STAG1: variants seen among roughly 807,000 people sequenced by gnomAD.
The protein encoded by STAG1 is STAG1 cohesin complex component.
STAG1 carries 26 observed loss-of-function variants against 170.9 expected under a neutral mutation model. That is an observed-to-expected ratio of 0.15 (90% CI 0.11 to 0.21). The LOEUF is 0.21. Among genes scored for constraint, STAG1 ranks in the 10% least tolerant of loss-of-function variants. The pLI, the probability that STAG1 is intolerant of heterozygous loss-of-function variation, is 1.00. For missense variants in STAG1, 964 were observed against 1,509.5 expected (o/e 0.64, Z 5.99); for synonymous variants, 514 against 497.7 (o/e 1.03, Z -0.44).
intron 6 of STAG1, among the ~76,000 whole-genome samples, chr3:136,525,558 A>C (rs1266997623): frequency 2.6e-5 from 4 of 152,014 alleles, no homozygotes; most frequent in Non-Finnish European, 4.4e-5. Context: ...TCCTAGATTC[A>C]TTAATTTTTT....
chr3:136,491,924 G>C (rs145324696), intron 9 of STAG1, among the ~76,000 whole-genome samples: 2 of 152,068 alleles, frequency 1.3e-5, no homozygotes, highest in East Asian at 3.9e-4. Context: ...CCCAGGAGGC[G>C]GGGGCTGGAA....
At chr3:136,477,555 G>A (rs2089784052) in intron 9 of STAG1, 143 bp from the exon 10 acceptor site, 1 of 628,352 alleles carries the variant, frequency 1.6e-6, no homozygotes, top group Non-Finnish European at 2.5e-6. Context: ...AGTATCTTCT[G>A]TTTTTCATGT....
intron 28 of STAG1, among the ~76,000 whole-genome samples, chr3:136,356,404 G>A (rs935920994): frequency 2.6e-5 from 4 of 151,982 alleles, no homozygotes; most frequent in African/African-American, 9.7e-5. Context: ...GATTGACACA[G>A]GCTCCCCAGG....
At chr3:136,398,347 A>C (rs2087227297) in intron 22 of STAG1, among the ~76,000 whole-genome samples, 1 of 152,082 alleles carries the variant, frequency 6.6e-6, no homozygotes, top group Non-Finnish European at 1.5e-5. Flanking sequence ...TGAACTCCTG[A>C]CCTCAAGTGA....
chr3:136,551,242 AGAGAGAGAGAGAGAGAGAGG>A (rs1936380170), intron 5 of STAG1, among the ~76,000 whole-genome samples: 1 of 145,576 alleles, frequency 6.9e-6, no homozygotes, highest in Non-Finnish European at 1.5e-5. Context: ...AGAGAGAGAG[AGAGAGAGAGAGAGAGAGAGG>A]GAGAGCGAGA....
intron 13 of STAG1, among the ~76,000 whole-genome samples, chr3:136,456,356 A>G (rs562392828): frequency 6.6e-6 from 1 of 152,328 alleles, no homozygotes; most frequent in East Asian, 1.9e-4. Context: ...GAAATAAAGA[A>G]TATAACTGAA....
chr3:136,363,939 T>C (rs2108287647), intron 25 of STAG1, among the ~76,000 whole-genome samples: 1 of 152,196 alleles, frequency 6.6e-6, no homozygotes, highest in East Asian at 1.9e-4. Flanking sequence ...AAAAATATTT[T>C]GTAGAGATGG....
chr3:136,551,015 C>T (rs1173051027), intron 5 of STAG1, among the ~76,000 whole-genome samples: 1 of 152,044 alleles, frequency 6.6e-6, no homozygotes, highest in East Asian at 1.9e-4. Context: ...AAGTGTTTGT[C>T]AGTTTTCTCC....
chr3:136,563,864 C>A (rs1255665816), intron 5 of STAG1, among the ~76,000 whole-genome samples: 2 of 151,910 alleles, frequency 1.3e-5, no homozygotes, highest in Non-Finnish European at 2.9e-5. Context: ...ACTAAAAATA[C>A]AAAAAAACTT....
At chr3:136,356,942 T>TTTTTA (rs1239775712) in intron 28 of STAG1, among the ~76,000 whole-genome samples, 2 of 150,666 alleles carry the variant, frequency 1.3e-5, no homozygotes, top group Non-Finnish European at 3.0e-5. Flanking sequence ...TTTTTTAAAT[T>TTTTTA]TTTTATTTTA....
At chr3:136,443,706 A>T (rs1025027103) in intron 14 of STAG1, among the ~76,000 whole-genome samples, 4 of 152,190 alleles carry the variant, frequency 2.6e-5, no homozygotes, top group Non-Finnish European at 4.4e-5. Flanking sequence ...TATATGCTGG[A>T]TCTAGGTCAC....
chr3:136,632,681 G>A (rs1940377601), intron 1 of STAG1, among the ~76,000 whole-genome samples: 2 of 151,974 alleles, frequency 1.3e-5, no homozygotes, highest in African/African-American at 2.4e-5. Flanking sequence ...AGACTCCCAC[G>A]TATTCTGGGG....
chr3:136,505,680 C>T (rs781132555), intron 7 of STAG1, among the ~76,000 whole-genome samples: 4 of 152,180 alleles, frequency 2.6e-5, no homozygotes, highest in Non-Finnish European at 5.9e-5. Context: ...AAACAAACAA[C>T]TTCCTTTTGT....
intron 1 of STAG1, among the ~76,000 whole-genome samples, chr3:136,699,719 A>G (rs1403118006): frequency 6.6e-6 from 1 of 152,112 alleles, no homozygotes. Context: ...GTGGGAGCTA[A>G]GCTATCAGGA....
At chr3:136,628,978 A>G (rs991295040) in intron 2 of STAG1, among the ~76,000 whole-genome samples, 1 of 152,176 alleles carries the variant, frequency 6.6e-6, no homozygotes, top group African/African-American at 2.4e-5. Flanking sequence ...TGGACATCTC[A>G]ATTTAACCAA....
intron 1 of STAG1, among the ~76,000 whole-genome samples, chr3:136,715,089 G>A (rs1004117771): frequency 6.9e-6 from 1 of 145,222 alleles, no homozygotes; most frequent in African/African-American, 2.5e-5. Flanking sequence ...GAAATACAAA[G>A]GGGCGCACAG....
chr3:136,601,645 T>C (rs1938681891), intron 4 of STAG1, among the ~76,000 whole-genome samples: 1 of 151,952 alleles, frequency 6.6e-6, no homozygotes, highest in Non-Finnish European at 1.5e-5. Context: ...TGAAAGCCTA[T>C]CTCTACTAAA....
chr3:136,397,099 C>A (rs1318789107), intron 22 of STAG1, among the ~76,000 whole-genome samples: 1 of 152,198 alleles, frequency 6.6e-6, no homozygotes, highest in Non-Finnish European at 1.5e-5. Flanking sequence ...CTCATCTTTA[C>A]TGGTTAAACA....
chr3:136,605,207 G>C (rs1377062405), intron 3 of STAG1, among the ~76,000 whole-genome samples: 1 of 152,064 alleles, frequency 6.6e-6, no homozygotes, highest in Non-Finnish European at 1.5e-5. Flanking sequence ...TGGCAATACA[G>C]CAATAAACAA....
Sources: allele counts gnomAD v4.1 joint callset (sites outside exome capture counted in the v4.1 genomes callset), GRCh38; gene constraint gnomAD v4.1.1; transcripts MANE v1.5; gene names NCBI Gene and HGNC (gene_info 2026-07-23, HGNC 2026-07-21).